Variants in ADAMTS12 observed in about 807,000 individuals in gnomAD.
ADAMTS12 encodes the protein A disintegrin and metalloproteinase with thrombospondin motifs 12.
ADAMTS12 carries 118 observed loss-of-function variants against 167.8 expected under a neutral mutation model. That is an observed-to-expected ratio of 0.70 (90% CI 0.61 to 0.82). The LOEUF (loss-of-function observed/expected upper bound fraction) is 0.82, where lower values mean the gene tolerates loss of function less well. Among genes scored for constraint, ADAMTS12 ranks in the 40% least tolerant of loss-of-function variants. ADAMTS12 has a pLI of 0.00. For synonymous variants in ADAMTS12, 704 were observed against 716.9 expected (o/e 0.98, Z 0.29); for missense variants, 1,916 against 1,998.8 (o/e 0.96, Z 0.79).
At chr5:33,782,262 T>C (rs1746159256) in intron 2 of ADAMTS12, among the ~76,000 whole-genome samples, 1 of 152,020 alleles carries the variant, frequency 6.6e-6, no homozygotes, top group African/African-American at 2.4e-5. Flanking sequence ...AAAGTTATTA[T>C]ATACTACCGA....
intron 3 of ADAMTS12, among the ~76,000 whole-genome samples, chr5:33,728,353 C>T (rs1561238544): frequency 6.6e-6 from 1 of 152,190 alleles, no homozygotes; most frequent in Non-Finnish European, 1.5e-5. Context: ...TGAGCAAAAC[C>T]TGGAGGAGTT....
chr5:33,836,463 A>G (rs901949186), intron 2 of ADAMTS12, among the ~76,000 whole-genome samples: 1 of 152,190 alleles, frequency 6.6e-6, no homozygotes, highest in African/African-American at 2.4e-5. Context: ...CATTCAACAA[A>G]TGTTTATTTA....
chr5:33,718,137 A>G (rs1743678516), intron 3 of ADAMTS12, among the ~76,000 whole-genome samples: 1 of 152,254 alleles, frequency 6.6e-6, no homozygotes, highest in South Asian at 2.1e-4. Context: ...ACAGTCTAAC[A>G]TGCGCCACAG....
chr5:33,662,125 T>C, intron 5 of ADAMTS12, 85 bp from the exon 6 acceptor site: 1 of 1,533,158 alleles, frequency 6.5e-7, no homozygotes, highest in South Asian at 1.2e-5. Flanking sequence ...TCCAGAGGTG[T>C]CCAAGTGAGA....
intron 2 of ADAMTS12, among the ~76,000 whole-genome samples, chr5:33,788,413 A>G (rs1203726670): frequency 6.6e-6 from 1 of 152,082 alleles, no homozygotes; most frequent in East Asian, 1.9e-4. Flanking sequence ...AGGGATGGGA[A>G]GGGAAAGGAA....
intron 3 of ADAMTS12, among the ~76,000 whole-genome samples, chr5:33,731,648 C>G (rs1744198033): frequency 6.6e-6 from 1 of 152,112 alleles, no homozygotes; most frequent in African/African-American, 2.4e-5. Context: ...TGCTAAAAAT[C>G]CTTTTTGGGA....
chr5:33,542,990 A>G (rs1177991861), intron 22 of ADAMTS12, among the ~76,000 whole-genome samples: 11 of 152,246 alleles, frequency 7.2e-5, no homozygotes, highest in Non-Finnish European at 1.2e-4. Flanking sequence ...AAAAGCTAGC[A>G]GAAGGCAAGA....
chr5:33,774,429 GA>G (rs374158200), intron 2 of ADAMTS12, among the ~76,000 whole-genome samples: 106 of 151,048 alleles, frequency 7.0e-4, no homozygotes, highest in African/African-American at 2.2e-3. Flanking sequence ...ATGGTGTTAT[GA>G]AAAAAAAATC....
Position 33,614,486 on chromosome 5 carries a change from G to C in ADAMTS12, c.2389-110C>G, listed in dbSNP as rs200907868. 49 of 1,321,652 alleles carry C rather than the reference G, an allele frequency of 3.7e-5. No homozygotes were observed. In the East Asian group the frequency reaches 1.2e-3, roughly 31 times the overall value. 81.9% of individuals were successfully genotyped at this position (1,321,652 alleles called of 1,614,324 possible). Reference sequence around the variant, plus strand: ...CATCTAAAATTAGTAATGGGAGCATGCATTGGAATAAAGCCATTAAATAGA... The same window carrying C: ...CATCTAAAATTAGTAATGGGAGCATCCATTGGAATAAAGCCATTAAATAGA... On this transcript the variant is annotated intron_variant, in intron 15 of 23. Transcript: ENST00000504830.
chr5:33,733,972 T>C (rs1318343003), intron 3 of ADAMTS12, among the ~76,000 whole-genome samples: 1 of 150,244 alleles, frequency 6.7e-6, no homozygotes, highest in African/African-American at 2.5e-5. Context: ...CAGACCCATC[T>C]GATGTCAAAG....
At chr5:33,708,418 C>A (rs1381136806) in intron 3 of ADAMTS12, among the ~76,000 whole-genome samples, 1 of 152,102 alleles carries the variant, frequency 6.6e-6, no homozygotes, top group Non-Finnish European at 1.5e-5. Flanking sequence ...ACCAGAAATA[C>A]CATTCGACCC....
At chr5:33,597,831 GA>G (rs1682158519) in intron 16 of ADAMTS12, among the ~76,000 whole-genome samples, 2 of 152,064 alleles carry the variant, frequency 1.3e-5, no homozygotes, top group Admixed American at 1.3e-4. Context: ...GAGAGTGGGG[GA>G]AAAAAGTTTA....
Position 33,772,697 on chromosome 5 carries a change from G to A in ADAMTS12, c.490-21149C>T, listed in dbSNP as rs544066185. On this transcript the variant is annotated intron_variant, in intron 2 of 23. Transcript: ENST00000504830. ...CCCTTAGCATAGTGAGGGTTTCTAA[G>A]TTAAAGACAGATCTGCACCACTCTT... Among the ~76,000 whole-genome samples the A allele has an allele frequency of 1.1e-4, 16 of 152,278 alleles. 1 individual carries two copies. Among genetic ancestry groups the A allele is most frequent in the African/African-American group, 3.4e-4 (14 of 41,552 alleles).
intron 1 of ADAMTS12, among the ~76,000 whole-genome samples, chr5:33,883,733 C>G (rs1750539368): frequency 6.6e-6 from 1 of 152,024 alleles, no homozygotes; most frequent in African/African-American, 2.4e-5. Flanking sequence ...GGAGTGGGAA[C>G]AAAAATGCAT....
At chr5:33,798,349 A>C (rs2112468286) in intron 2 of ADAMTS12, among the ~76,000 whole-genome samples, 1 of 152,126 alleles carries the variant, frequency 6.6e-6, no homozygotes, top group South Asian at 2.1e-4. Context: ...TTCTCCCAAG[A>C]ACCCTCTCCT....
chr5:33,875,967 A>C (rs1483729801), intron 2 of ADAMTS12, among the ~76,000 whole-genome samples: 1 of 152,216 alleles, frequency 6.6e-6, no homozygotes, highest in Non-Finnish European at 1.5e-5. Context: ...GCAAATTCAC[A>C]GTATATACAA....
intron 20 of ADAMTS12, among the ~76,000 whole-genome samples, chr5:33,555,395 C>G (rs1003526143): frequency 4.6e-5 from 7 of 152,138 alleles, no homozygotes; most frequent in African/African-American, 1.7e-4. Context: ...CAGGCATGTG[C>G]TGTACCAAGC....
rs527814248 is a variant in ADAMTS12 at position 33,668,453 on chromosome 5, C to T, written c.916-6413G>A. ...ATCTATTTTAACCTACGGATCTGTTCCTTGATGACTGATCTACTGATTTAC... is the reference window on the plus strand; with the variant it reads ...ATCTATTTTAACCTACGGATCTGTTTCTTGATGACTGATCTACTGATTTAC... On this transcript the variant is annotated intron_variant, in intron 5 of 23. Transcript: ENST00000504830. Among the ~76,000 whole-genome samples, 135 of 152,220 alleles carry T rather than the reference C, an allele frequency of 8.9e-4. 1 individual carries two copies. Among genetic ancestry groups the T allele is most frequent in the African/African-American group, 3.0e-3 (124 of 41,542 alleles).
At chr5:33,813,485 G>A (rs1361531019) in intron 2 of ADAMTS12, among the ~76,000 whole-genome samples, 2 of 152,156 alleles carry the variant, frequency 1.3e-5, no homozygotes, top group Non-Finnish European at 2.9e-5. Flanking sequence ...CTGAGTGGTG[G>A]AGTAGATTTC....
Sources: allele counts gnomAD v4.1 joint callset (sites outside exome capture counted in the v4.1 genomes callset), GRCh38; gene constraint gnomAD v4.1.1; transcripts MANE v1.5; gene names NCBI Gene and HGNC (gene_info 2026-07-23, HGNC 2026-07-21).